The following DHX8 variants were observed in gnomAD, a reference collection of about 807,000 sequenced individuals.
DHX8 encodes the protein ATP-dependent RNA helicase DHX8.
A neutral mutation model predicts 140.7 loss-of-function variants in DHX8; 67 were observed. The observed-to-expected ratio is 0.48, with a 90% CI of 0.39 to 0.58. DHX8 has a LOEUF of 0.58. Among genes scored for constraint, DHX8 ranks in the 20% least tolerant of loss-of-function variants. The pLI is 0.00. For missense variants in DHX8, 887 were observed against 1,550.7 expected (o/e 0.57, Z 7.19); for synonymous variants, 533 against 553.2 (o/e 0.96, Z 0.51).
rs1969571532 is a variant in DHX8 at position 43,507,685 on chromosome 17, A to G, written c.2106A>G (p.Lys702=). ...CTGATGTGCTCTTTGGATTGTTGAA[A>G]AAGGTAACTAGATGCTCTTTAATGA... ...IHTDVLFGLL[K]KTVQKRQDMK... is the part of the protein sequence containing the mutation. Residue 702 remains lysine, a synonymous_variant, in exon 14 of 23, where the codon AAA becomes AAG. Coordinates refer to ENST00000262415, the MANE Select transcript of DHX8 (RefSeq NM_004941.3). 6.2e-7 allele frequency: 1 copy of G among 1,614,012 alleles called. No individual in the cohort carries two copies. The highest frequency in any genetic ancestry group is 1.3e-5 in the African/African-American group (1 of 75,048).
At chr17:43,532,921 G>A in intron 2 of DHX8, 1 of 1,577,454 alleles carries the variant, frequency 6.3e-7, no homozygotes, top group Non-Finnish European at 8.6e-7. Flanking sequence ...AAATGTCCAG[G>A]GGCTGCTGGA....
intron 3 of DHX8, among the ~76,000 whole-genome samples, chr17:43,537,578 C>T (rs1382683590): frequency 2.0e-5 from 3 of 151,336 alleles, no homozygotes; most frequent in Non-Finnish European, 4.4e-5. Flanking sequence ...CACCTGTAAT[C>T]CCAGCTACTC....
intron 3 of DHX8, among the ~76,000 whole-genome samples, chr17:43,541,793 C>T (rs556315127): frequency 1.3e-5 from 2 of 152,232 alleles, no homozygotes; most frequent in East Asian, 3.9e-4. Flanking sequence ...GGAACCAGTT[C>T]ACTAGTTGTG....
At chr17:43,534,189 T>C (rs960124248) in intron 2 of DHX8, among the ~76,000 whole-genome samples, 1 of 152,182 alleles carries the variant, frequency 6.6e-6, no homozygotes, top group Non-Finnish European at 1.5e-5. Context: ...ATCAGACTAG[T>C]GTCTGATTAT....
chr17:43,493,954 C>G, intron 8 of DHX8, 68 bp downstream of exon 8: 7 of 1,537,548 alleles, frequency 4.6e-6, no homozygotes, highest in Non-Finnish European at 6.3e-6. Context: ...GGGGTGTGCC[C>G]TGGAGCACGA....
At chr17:43,491,988 G>A (rs1968546508) in intron 4 of DHX8, among the ~76,000 whole-genome samples, 195 bp from the exon 5 acceptor site, 1 of 152,140 alleles carries the variant, frequency 6.6e-6, no homozygotes, top group African/African-American at 2.4e-5. Flanking sequence ...GGACAGAGGG[G>A]ATTTGTCAAA....
At chr17:43,532,528 A>G (rs1970997870) in intron 2 of DHX8, 2 of 770,072 alleles carry the variant, frequency 2.6e-6, no homozygotes, top group South Asian at 1.9e-5. Context: ...GAAAAATAAC[A>G]TTCTTTTGAA....
chr17:43,529,262 G>A, downstream of DHX8: 3 of 1,609,742 alleles, frequency 1.9e-6, no homozygotes, highest in Non-Finnish European at 2.6e-6. Flanking sequence ...TTTTGGGGTA[G>A]AGATGCTACC....
At chr17:43,539,811 T>C (rs1387518387) in intron 3 of DHX8, among the ~76,000 whole-genome samples, 1 of 152,234 alleles carries the variant, frequency 6.6e-6, no homozygotes, top group Admixed American at 6.5e-5. Flanking sequence ...TAGGTTGTGA[T>C]ATGTTGCTTG....
chr17:43,505,158 C>G (rs926349211), intron 12 of DHX8, among the ~76,000 whole-genome samples: 1 of 152,076 alleles, frequency 6.6e-6, no homozygotes, highest in African/African-American at 2.4e-5. Flanking sequence ...CACCTGTAAT[C>G]CGGCACTTTG....
At chr17:43,493,284 C>T (rs984722516) in intron 6 of DHX8, among the ~76,000 whole-genome samples, 161 bp from the exon 7 acceptor site, 2 of 152,204 alleles carry the variant, frequency 1.3e-5, no homozygotes, top group Non-Finnish European at 2.9e-5. Flanking sequence ...CATGTCTCCC[C>T]ATGAGGAGAG....
rs1970508625 is a variant in DHX8 at position 43,523,902 on chromosome 17, TCGA to T, written c.*56_*58del. ...CAGCAGTAGCCAGGGCTTGGACTTA[TCGA>T]TGACAGGCTGGTCCTGAGGATACAG... On this transcript the variant is annotated 3_prime_UTR_variant, in exon 23 of 23. Coordinates refer to ENST00000262415, the MANE Select transcript of DHX8 (RefSeq NM_004941.3). The T allele has an allele frequency of 1.2e-6, 2 of 1,605,284 alleles. No individual in the cohort carries two copies. Among genetic ancestry groups the T allele is most frequent in the South Asian group, 2.2e-5 (2 of 90,142 alleles).
intron 3 of DHX8, among the ~76,000 whole-genome samples, chr17:43,542,828 C>T (rs1340386621): frequency 6.6e-6 from 1 of 152,244 alleles, no homozygotes; most frequent in East Asian, 1.9e-4. Flanking sequence ...CAAATTGGGG[C>T]TTTGGAAAAA....
chr17:43,528,591 C>T (rs776427258), downstream of DHX8: 33 of 1,614,008 alleles, frequency 2.0e-5, no homozygotes, highest in Non-Finnish European at 2.8e-5. Flanking sequence ...AGGCGGGGCT[C>T]TCATCCAAGT....
chr17:43,543,172 T>C (rs989510991), intron 3 of DHX8, among the ~76,000 whole-genome samples: 1 of 151,348 alleles, frequency 6.6e-6, no homozygotes, highest in African/African-American at 2.4e-5. Context: ...ACCAAGGAGA[T>C]CCCAGCGCCC....
chr17:43,495,735 C>T (rs984031733), intron 8 of DHX8, among the ~76,000 whole-genome samples: 3 of 152,008 alleles, frequency 2.0e-5, no homozygotes, highest in Non-Finnish European at 4.4e-5. Context: ...TTTGAGCTCC[C>T]GATATCGTGG....
chr17:43,530,149 T>C (rs1324728644), downstream of DHX8: 1 of 1,562,476 alleles, frequency 6.4e-7, no homozygotes, highest in Non-Finnish European at 8.7e-7. Context: ...AAGCCCTCTG[T>C]GTGGAGGTAC....
intron 3 of DHX8, 37 bp from the exon 4 acceptor site, chr17:43,491,127 TC>T (rs1289355659): frequency 6.3e-6 from 6 of 954,098 alleles, no homozygotes; most frequent in Non-Finnish European, 9.2e-6. Context: ...AATATATATC[TC>T]TTTTTTTAAC....
intron 2 of DHX8, among the ~76,000 whole-genome samples, chr17:43,490,046 C>T (rs1968415374): frequency 6.6e-6 from 1 of 151,966 alleles, no homozygotes; most frequent in African/African-American, 2.4e-5. Context: ...TCTAGGAAAA[C>T]AGGGCAGGAT....
Sources: gnomAD v4.1 joint callset for allele counts (sites outside exome capture counted in the v4.1 genomes callset) on GRCh38, gnomAD v4.1.1 for gene constraint, MANE v1.5 for transcripts, NCBI Gene and HGNC (gene_info 2026-07-23, HGNC 2026-07-21) for gene names.